RAB3B: variants seen among roughly 807,000 people sequenced by gnomAD.
The protein encoded by RAB3B is RAB3B, member RAS oncogene family.
A neutral mutation model predicts 20.5 loss-of-function variants in RAB3B; 11 were observed. The observed-to-expected ratio is 0.54, with a 90% CI of 0.34 to 0.89. The LOEUF (loss-of-function observed/expected upper bound fraction) is 0.89. RAB3B is among the 40% of genes least tolerant of loss of function. The pLI is 0.02. For synonymous variants in RAB3B, 99 were observed against 106.3 expected (o/e 0.93, Z 0.42); for missense variants, 225 against 280.9 (o/e 0.80, Z 1.42).
intron 1 of RAB3B, among the ~76,000 whole-genome samples, chr1:51,989,880 A>G (rs917612650): frequency 9.1e-5 from 11 of 121,470 alleles, no homozygotes; most frequent in Non-Finnish European, 1.2e-4. Context: ...CCAGCTATCC[A>G]TACCCACATC....
Position 51,949,549 on chromosome 1 carries a change from G to A in RAB3B, c.229-12137C>T, listed in dbSNP as rs1361586697. On this transcript the variant is annotated intron_variant, in intron 2 of 4. Coordinates refer to ENST00000371655, the MANE Select transcript of RAB3B (RefSeq NM_002867.4). ...AGTGCAGGGTCCAGCCAGCCATTCC[G>A]AGTGCTGACATGAGAGCAGGCTTTG... Among the ~76,000 whole-genome samples, 8 of 152,220 alleles carry A rather than the reference G, an allele frequency of 5.3e-5. No homozygotes were observed. The East Asian group carries it at 7.7e-4, about 15-fold the overall frequency.
rs745651527 is a variant in RAB3B at position 51,919,926 on chromosome 1, C to A, written c.*1G>T. On this transcript the variant is annotated 3_prime_UTR_variant, in exon 5 of 5. Transcript: ENST00000371655. ...GGGGAGGTCAGGAAGGTGGGCCTTGCCTAGCATGAGCAGTTCTGCTGCAGC... is the reference window on the plus strand; with the variant it reads ...GGGGAGGTCAGGAAGGTGGGCCTTGACTAGCATGAGCAGTTCTGCTGCAGC... 3 of 1,610,262 alleles carry A rather than the reference C, an allele frequency of 1.9e-6. No individual in the cohort carries two copies. The African/African-American group carries it at 4.0e-5, about 22-fold the overall frequency.
intron 2 of RAB3B, among the ~76,000 whole-genome samples, chr1:51,955,357 C>T (rs1571970145): frequency 6.6e-6 from 1 of 152,274 alleles, no homozygotes. Context: ...AAAGCCAAAA[C>T]CTTGGCTTGG....
intron 1 of RAB3B, among the ~76,000 whole-genome samples, chr1:51,983,681 C>T (rs1685115729): frequency 6.6e-6 from 1 of 151,986 alleles, no homozygotes; most frequent in Non-Finnish European, 1.5e-5. Context: ...ATTTTGAGGC[C>T]AGGTGCCGTG....
At chr1:51,920,883 T>G (rs1444934743) in intron 4 of RAB3B, among the ~76,000 whole-genome samples, 1 of 152,006 alleles carries the variant, frequency 6.6e-6, no homozygotes, top group Non-Finnish European at 1.5e-5. Context: ...CTCAGTGGGG[T>G]TCCTCCTCCC....
Position 51,919,602 on chromosome 1 carries a change from T to C in RAB3B, c.*325A>G, listed in dbSNP as rs1684140587. The C allele has an allele frequency of 4.4e-6, 1 of 228,570 alleles. No homozygotes were observed. Among genetic ancestry groups the C allele is most frequent in the Admixed American group, 5.5e-5 (1 of 18,226 alleles). The allele number at this position is 228,570 out of a possible 1,614,324, so 14.2% of individuals were successfully genotyped here. A position where few individuals can be genotyped will look rare whatever the true frequency, so the allele number is the denominator to read the frequency against. On this transcript the variant is annotated 3_prime_UTR_variant, in exon 5 of 5. Coordinates refer to ENST00000371655, the MANE Select transcript of RAB3B (RefSeq NM_002867.4). The stretch of plus-strand genomic sequence containing the variant: ...TGTGTGCGTGTCAAATTTTGGTAAA[T>C]GGAGGAACTCTCATTTTAAAGGCAG...
chr1:51,980,255 C>A (rs1349699951), intron 1 of RAB3B, among the ~76,000 whole-genome samples: 1 of 151,960 alleles, frequency 6.6e-6, no homozygotes, highest in Non-Finnish European at 1.5e-5. Flanking sequence ...ATAGGGAGAC[C>A]CCATTTCTAC....
rs1160625371 is a variant in RAB3B at position 51,972,489 on chromosome 1, C to CTTTTTTTT, written c.228+4393_228+4400dup. On this transcript the variant is annotated intron_variant, in intron 2 of 4. Coordinates refer to ENST00000371655, the MANE Select transcript of RAB3B (RefSeq NM_002867.4). ...TATACACTATGCTTTTTTCTTTTTT[C>CTTTTTTTT]TTTTTTTTTTTTTTTTTGAGTTGGA... 9.0e-4 allele frequency among the ~76,000 whole-genome samples: 118 copies of CTTTTTTTT among 130,752 alleles called. 1 individual carries two copies. The highest frequency in any genetic ancestry group is 1.8e-3 in the East Asian group (8 of 4,414). 85.8% of individuals were successfully genotyped at this position (130,752 alleles called of 152,430 possible). A position where few individuals can be genotyped will look rare whatever the true frequency, so the allele number is the denominator to read the frequency against.
chr1:51,960,405 C>G (rs1205754319), intron 2 of RAB3B, among the ~76,000 whole-genome samples: 2 of 152,196 alleles, frequency 1.3e-5, no homozygotes, highest in Admixed American at 1.3e-4. Flanking sequence ...GGCCTCAGCA[C>G]AGAGCCCCTG....
chr1:51,908,372 C>T lies in RAB3B; in HGVS notation c.*11555G>A, dbSNP rs181566439. The T allele has an allele frequency of 6.6e-6, 1 of 152,148 alleles. No homozygotes were observed. Among genetic ancestry groups the T allele is most frequent in the Admixed American group, 6.5e-5 (1 of 15,268 alleles). 9.4% of individuals were successfully genotyped at this position (152,148 alleles called of 1,614,324 possible). ...TGCTCATACTGCTATGGTACATCTC[C>T]TAGGTTGGCATGAGACCAGCCTGGT... On this transcript the variant is annotated 3_prime_UTR_variant, in exon 5 of 5. Transcript: ENST00000371655.
chr1:51,970,543 C>A (rs1176479749), intron 2 of RAB3B, among the ~76,000 whole-genome samples: 1 of 152,102 alleles, frequency 6.6e-6, no homozygotes, highest in Non-Finnish European at 1.5e-5. Flanking sequence ...ACAGAAATTC[C>A]TATTGTGGGT....
In RAB3B at chr1:51,914,783, G is replaced by A. The variant is rs1684058740; in HGVS notation, c.*5144C>T. ...ATGAGATCCCAGGACACTGGTTATT[G>A]TAGTTCTTTCCCCTTCCCCTAAACT... On this transcript the variant is annotated 3_prime_UTR_variant, in exon 5 of 5. Transcript: ENST00000371655. The A allele has an allele frequency of 6.6e-6, 1 of 152,126 alleles. No homozygotes were observed. 9.4% of individuals were successfully genotyped at this position (152,126 alleles called of 1,614,324 possible). A position where few individuals can be genotyped will look rare whatever the true frequency, so the allele number is the denominator to read the frequency against.
intron 2 of RAB3B, 62 bp downstream of exon 2, chr1:51,976,828 C>T: frequency 1.4e-6 from 2 of 1,465,286 alleles, no homozygotes; most frequent in South Asian, 2.4e-5. Context: ...CACCTCTAAG[C>T]CCTTGTACTG....
chr1:51,957,837 GC>G, intron 2 of RAB3B, among the ~76,000 whole-genome samples: 1 of 152,294 alleles, frequency 6.6e-6, no homozygotes. Context: ...AAATTAAAGG[GC>G]TAATTAAGCC....
At chr1:51,972,480 T>G (rs1684951153) in intron 2 of RAB3B, among the ~76,000 whole-genome samples, 1 of 150,162 alleles carries the variant, frequency 6.7e-6, no homozygotes, top group African/African-American at 2.5e-5. Flanking sequence ...CTATGCTTTT[T>G]TCTTTTTTCT....
rs1341889544 is a variant in RAB3B at position 51,950,309 on chromosome 1, G to A, written c.229-12897C>T. Among the ~76,000 whole-genome samples, 5 of 152,298 alleles carry A rather than the reference G, an allele frequency of 3.3e-5. No homozygotes were observed. In the South Asian group the frequency reaches 1.0e-3, roughly 32 times the overall value. On this transcript the variant is annotated intron_variant, in intron 2 of 4. Coordinates refer to ENST00000371655, the MANE Select transcript of RAB3B (RefSeq NM_002867.4). The stretch of plus-strand genomic sequence containing the variant: ...CCTAGGCATTTGTCTGCCTCCTGCT[G>A]CTATCAATATCACTGTACACATCAC...
In RAB3B at chr1:51,919,760, T is replaced by C. The variant is rs1208860875; in HGVS notation, c.*167A>G. On this transcript the variant is annotated 3_prime_UTR_variant, in exon 5 of 5. Transcript: ENST00000371655. ...TGCTGAGTATCTATTACTGGGACCA[T>C]CTGCAGAGAACCCCAGGGGCAGGCA... 1.6e-6 allele frequency: 1 copy of C among 619,388 alleles called. No individual in the cohort carries two copies. 38.4% of individuals were successfully genotyped at this position (619,388 alleles called of 1,614,324 possible).
chr1:51,933,815 GAC>G (rs1175845152), intron 3 of RAB3B, among the ~76,000 whole-genome samples: 7 of 152,200 alleles, frequency 4.6e-5, no homozygotes, highest in African/African-American at 1.7e-4. Flanking sequence ...AACTGACCAA[GAC>G]ACATACCCTC....
chr1:51,989,208 TTGTGTGTGTGTG>T (rs60661761), intron 1 of RAB3B, among the ~76,000 whole-genome samples: 45 of 99,870 alleles, frequency 4.5e-4, no homozygotes, highest in East Asian at 2.5e-3. Context: ...CCATCTTGTT[TTGTGTGTGTGTG>T]TGTGTGTGTG....
Sources: allele counts gnomAD v4.1 joint callset (sites outside exome capture counted in the v4.1 genomes callset), GRCh38; gene constraint gnomAD v4.1.1; transcripts MANE v1.5; gene names NCBI Gene and HGNC (gene_info 2026-07-23, HGNC 2026-07-21).